Variants in SMOC2 observed in about 807,000 individuals in gnomAD.
The protein encoded by SMOC2 is SPARC-related modular calcium-binding protein 2.
A neutral mutation model predicts 61.4 loss-of-function variants in SMOC2; 39 were observed. The ratio of observed to expected loss-of-function variants is 0.64; its 90% CI spans 0.49 to 0.83. The LOEUF (loss-of-function observed/expected upper bound fraction) is 0.83. Among genes scored for constraint, SMOC2 ranks in the 40% least tolerant of loss-of-function variants. SMOC2 has a pLI of 0.00. For missense variants in SMOC2, 556 were observed against 592.9 expected (o/e 0.94, Z 0.65); for synonymous variants, 247 against 239.9 (o/e 1.03, Z -0.27).
At position 168,631,041 on chromosome 6, in the gene SMOC2, A is replaced by G. The variant is rs540135556; in HGVS notation, c.908-19640A>G. 4.6e-5 allele frequency among the ~76,000 whole-genome samples: 7 copies of G among 152,072 alleles called. No homozygotes were observed. In the South Asian group the frequency reaches 8.3e-4, roughly 18 times the overall value. ...GCCTACACTTGCCTTGTGATATTCT[A>G]TTACCCTGTTAAGTACTTGATGTCT... On this transcript the variant is annotated intron_variant, in intron 9 of 12. Coordinates refer to ENST00000356284, the MANE Select transcript of SMOC2 (RefSeq NM_001166412.2).
intron 9 of SMOC2, among the ~76,000 whole-genome samples, chr6:168,617,143 G>A (rs1786115481): frequency 1.3e-5 from 2 of 152,320 alleles, no homozygotes; most frequent in Admixed American, 1.3e-4. Context: ...TTGTCTTCAT[G>A]TTTGAGAGTA....
intron 1 of SMOC2, among the ~76,000 whole-genome samples, chr6:168,461,844 T>A (rs1342338229): frequency 6.6e-6 from 1 of 151,730 alleles, no homozygotes; most frequent in African/African-American, 2.4e-5. Context: ...GTCCTATGAA[T>A]TTTTTTTTCA....
At chr6:168,653,651 T>TG (rs1562406889) in intron 11 of SMOC2, among the ~76,000 whole-genome samples, 457 of 129,076 alleles carry the variant, frequency 3.5e-3, no homozygotes, top group African/African-American at 0.013. Flanking sequence ...TCACCAACCC[T>TG]CTACCTGAGC....
At chr6:168,451,685 A>C (rs950799166) in intron 1 of SMOC2, among the ~76,000 whole-genome samples, 1 of 151,806 alleles carries the variant, frequency 6.6e-6, no homozygotes, top group African/African-American at 2.4e-5. Flanking sequence ...AGGCTAAGGA[A>C]ACTGAGCAAT....
rs1426395384 is a variant in SMOC2 at position 168,600,426 on chromosome 6, AAAAAAAAC to A, written c.824+1430_824+1437del. On this transcript the variant is annotated intron_variant, in intron 8 of 12. Coordinates refer to ENST00000356284, the MANE Select transcript of SMOC2 (RefSeq NM_001166412.2). ...CTGCCTCAAAAAAAAAAAAAACAAA[AAAAAAAAC>A]AAAAAAAAAAACAGTAGTTTCAACT... Among the ~76,000 whole-genome samples, 209 of 55,060 alleles carry A rather than the reference AAAAAAAAC, an allele frequency of 3.8e-3. 28 individuals are homozygous for A. Among genetic ancestry groups the A allele is most frequent in the Middle Eastern group, 0.011 (1 of 90 alleles). The allele number at this position is 55,060 out of a possible 152,430, so 36.1% of individuals were successfully genotyped here. A position where few individuals can be genotyped will look rare whatever the true frequency, so the allele number is the denominator to read the frequency against.
intron 1 of SMOC2, among the ~76,000 whole-genome samples, chr6:168,454,950 G>A (rs571960216): frequency 7.2e-5 from 11 of 152,204 alleles, no homozygotes; most frequent in Non-Finnish European, 1.0e-4. Flanking sequence ...GCCGAGGGTC[G>A]GCGCTGGCCC....
At chr6:168,552,343 CATTT>C (rs1045459451) in intron 7 of SMOC2, among the ~76,000 whole-genome samples, 1 of 152,144 alleles carries the variant, frequency 6.6e-6, no homozygotes, top group African/African-American at 2.4e-5. Context: ...GACATAGACA[CATTT>C]ATTTGAGAAA....
At chr6:168,445,328 C>A (rs957241391) in intron 1 of SMOC2, among the ~76,000 whole-genome samples, 1 of 152,146 alleles carries the variant, frequency 6.6e-6, no homozygotes, top group Non-Finnish European at 1.5e-5. Context: ...GTAAATGCCT[C>A]TTATTGGTCT....
intron 1 of SMOC2, among the ~76,000 whole-genome samples, chr6:168,457,430 C>A (rs553001645): frequency 6.6e-6 from 1 of 150,950 alleles, no homozygotes; most frequent in African/African-American, 2.4e-5. Context: ...CACCCACCGA[C>A]CCTGCACTGG....
intron 2 of SMOC2, among the ~76,000 whole-genome samples, chr6:168,516,134 G>A (rs1344045753): frequency 1.3e-5 from 2 of 152,154 alleles, no homozygotes; most frequent in African/African-American, 2.4e-5. Context: ...AATTCAAATA[G>A]TTTACTCCAT....
chr6:168,642,553 T>C (rs749950298), intron 9 of SMOC2, among the ~76,000 whole-genome samples: 36 of 152,298 alleles, frequency 2.4e-4, no homozygotes, highest in Non-Finnish European at 2.4e-4. Flanking sequence ...TTAAAGCGCG[T>C]ACCTGTCGTG....
At chr6:168,492,251 G>T (rs917885913) in intron 1 of SMOC2, among the ~76,000 whole-genome samples, 2 of 152,166 alleles carry the variant, frequency 1.3e-5, no homozygotes, top group African/African-American at 4.8e-5. Flanking sequence ...AATACCGTTG[G>T]CTGGCCCCAT....
chr6:168,519,904 C>T (rs73791052), intron 2 of SMOC2, among the ~76,000 whole-genome samples: 106 of 152,342 alleles, frequency 7.0e-4, no homozygotes, highest in African/African-American at 2.4e-3. Flanking sequence ...TTTCTCTTTA[C>T]AATTTGGCAA....
intron 1 of SMOC2, among the ~76,000 whole-genome samples, chr6:168,473,258 T>A (rs1782005117): frequency 6.6e-6 from 1 of 152,040 alleles, no homozygotes; most frequent in Non-Finnish European, 1.5e-5. Context: ...TCTCCCTACA[T>A]GTTTATAAGA....
intron 7 of SMOC2, among the ~76,000 whole-genome samples, chr6:168,595,993 G>A (rs1003304118): frequency 2.6e-5 from 4 of 152,182 alleles, no homozygotes; most frequent in African/African-American, 4.8e-5. Flanking sequence ...GAAGCGCTGC[G>A]GCGGTGCTGA....
At chr6:168,548,351 CTTTTTTTTT>C (rs758386557) in intron 6 of SMOC2, among the ~76,000 whole-genome samples, 1 of 127,186 alleles carries the variant, frequency 7.9e-6, no homozygotes, top group African/African-American at 3.1e-5. Flanking sequence ...CACTACATTC[CTTTTTTTTT>C]TTTTTTTTTG....
chr6:168,569,391 T>C (rs1784616181), intron 7 of SMOC2, among the ~76,000 whole-genome samples: 1 of 152,212 alleles, frequency 6.6e-6, no homozygotes, highest in Non-Finnish European at 1.5e-5. Context: ...TTTTTAATTG[T>C]TGAATTTTAA....
At position 168,650,832 on chromosome 6, in the gene SMOC2, C is replaced by T. The variant is rs781250452; in HGVS notation, c.1010+49C>T. On this transcript the variant is annotated intron_variant, in intron 10 of 12. Coordinates refer to ENST00000356284, the MANE Select transcript of SMOC2 (RefSeq NM_001166412.2). ...AACAAGTTGGCAGGGTCCCAGAATT[C>T]TGGGGAATCTGGAAAGTCTGAACAT... 8.5e-6 allele frequency: 13 copies of T among 1,520,594 alleles called. No homozygotes were observed. The African/African-American group carries it at 1.8e-4, about 21-fold the overall frequency. 94.2% of individuals were successfully genotyped at this position (1,520,594 alleles called of 1,614,324 possible).
Position 168,509,970 on chromosome 6 carries a change from C to T in SMOC2, c.140C>T (p.Ser47Leu), listed in dbSNP as rs150344348. 209 of 1,613,986 alleles carry T rather than the reference C, an allele frequency of 1.3e-4. No homozygotes were observed. Among genetic ancestry groups the T allele is most frequent in the African/African-American group, 4.7e-4 (35 of 74,876 alleles). Reference sequence around the variant, plus strand: ...GATTGTAGCTTGGACTGTGCGGGTTCGCCCCAGAAACCTCTCTGCGCATCT... The same window carrying T: ...GATTGTAGCTTGGACTGTGCGGGTTTGCCCCAGAAACCTCTCTGCGCATCT... Reference protein sequence around the residue: ...DKDCSLDCAGSPQKPLCASDG... With the variant: ...DKDCSLDCAGLPQKPLCASDG... Residue 47 changes from serine (S) to leucine (L), a missense_variant, in exon 2 of 13, where the codon TCG becomes TTG. Coordinates refer to ENST00000356284, the MANE Select transcript of SMOC2 (RefSeq NM_001166412.2).
Sources: gnomAD v4.1 joint callset for allele counts (sites outside exome capture counted in the v4.1 genomes callset) on GRCh38, gnomAD v4.1.1 for gene constraint, MANE v1.5 for transcripts, NCBI Gene and HGNC (gene_info 2026-07-23, HGNC 2026-07-21) for gene names.